Variants in CDC14B observed in about 807,000 individuals in gnomAD.
CDC14B encodes dual specificity protein phosphatase CDC14B.
Under a neutral mutation model 64.2 loss-of-function variants are expected in CDC14B, and 22 were observed. The observed-to-expected ratio is 0.34, with a 90% confidence interval of 0.24 to 0.49. The LOEUF (loss-of-function observed/expected upper bound fraction) is 0.49, where lower values mean the gene tolerates loss of function less well. Ranked by LOEUF, CDC14B falls within the 20% of genes least tolerant of loss-of-function variation. The pLI is 0.99. For missense variants in CDC14B, 498 were observed against 629.9 expected (o/e 0.79, Z 2.24); for synonymous variants, 191 against 215.8 (o/e 0.89, Z 1.01).
chr9:96,605,761 T>C (rs1225307142), intron 1 of CDC14B, among the ~76,000 whole-genome samples: 2 of 152,028 alleles, frequency 1.3e-5, no homozygotes, highest in Non-Finnish European at 2.9e-5. Context: ...TTAGGGAGGC[T>C]GAGGCTGGAG....
intron 1 of CDC14B, among the ~76,000 whole-genome samples, chr9:96,601,186 T>C (rs920703159): frequency 3.3e-5 from 5 of 152,092 alleles, no homozygotes. Flanking sequence ...TATCTAAACA[T>C]GCTCTGAACA....
At chr9:96,571,131 G>T (rs1009992963) in intron 1 of CDC14B, among the ~76,000 whole-genome samples, 3 of 151,664 alleles carry the variant, frequency 2.0e-5, no homozygotes, top group Non-Finnish European at 4.4e-5. Flanking sequence ...CAGATGAAAT[G>T]ATTTTGAAAA....
intron 1 of CDC14B, among the ~76,000 whole-genome samples, chr9:96,612,661 C>T (rs1009567066): frequency 1.3e-5 from 2 of 152,202 alleles, no homozygotes; most frequent in Non-Finnish European, 2.9e-5. Flanking sequence ...AAGATTTCAA[C>T]CGCAATATGC....
At chr9:96,519,609 T>G (rs900081445) in intron 12 of CDC14B, among the ~76,000 whole-genome samples, 2 of 151,162 alleles carry the variant, frequency 1.3e-5, no homozygotes, top group Admixed American at 1.3e-4. Flanking sequence ...TGGTGGTGCA[T>G]AATCCCAGAT....
chr9:96,603,348 A>G (rs1304927245), intron 1 of CDC14B, among the ~76,000 whole-genome samples: 2 of 152,220 alleles, frequency 1.3e-5, no homozygotes, highest in Admixed American at 6.5e-5. Context: ...ATTAAAAAAT[A>G]AACAAAATAA....
chr9:96,568,873 C>T (rs1225847108), intron 1 of CDC14B, among the ~76,000 whole-genome samples: 1 of 151,618 alleles, frequency 6.6e-6, no homozygotes, highest in East Asian at 1.9e-4. Flanking sequence ...GCCAAGATCA[C>T]GCCTTTGCAC....
chr9:96,560,111 T>C (rs897467789), intron 4 of CDC14B, among the ~76,000 whole-genome samples: 3 of 152,212 alleles, frequency 2.0e-5, no homozygotes, highest in Middle Eastern at 3.2e-3. Context: ...GTTCCCACTA[T>C]GCCCATAGCC....
intron 1 of CDC14B, among the ~76,000 whole-genome samples, chr9:96,616,195 G>A (rs140751514): frequency 0.011 from 1,701 of 152,150 alleles, 11 homozygotes; most frequent in Non-Finnish European, 0.016. Flanking sequence ...GCATGGTGGC[G>A]TATGCCTGTA....
At chr9:96,573,645 A>G (rs903331695) in intron 1 of CDC14B, among the ~76,000 whole-genome samples, 1 of 152,230 alleles carries the variant, frequency 6.6e-6, no homozygotes, top group Admixed American at 6.5e-5. Flanking sequence ...ATGCTAATAA[A>G]GGAATTAAAT....
At chr9:96,570,080 A>G (rs1420080245) in intron 1 of CDC14B, among the ~76,000 whole-genome samples, 2 of 152,238 alleles carry the variant, frequency 1.3e-5, no homozygotes, top group Non-Finnish European at 2.9e-5. Context: ...TAGGAGAAAG[A>G]AACAAAATCT....
intron 7 of CDC14B, among the ~76,000 whole-genome samples, chr9:96,536,170 C>T (rs986516449): frequency 3.3e-5 from 5 of 152,182 alleles, no homozygotes; most frequent in African/African-American, 1.2e-4. Flanking sequence ...ACTATAATAA[C>T]TGAACTGGTG....
At chr9:96,594,777 C>T (rs964696148) in intron 1 of CDC14B, among the ~76,000 whole-genome samples, 1 of 148,804 alleles carries the variant, frequency 6.7e-6, no homozygotes, top group Non-Finnish European at 1.5e-5. Flanking sequence ...ACAGCAGAAT[C>T]GTACAGGCTG....
intron 4 of CDC14B, among the ~76,000 whole-genome samples, chr9:96,557,401 GT>G (rs1231191030): frequency 1.2e-4 from 19 of 152,236 alleles, no homozygotes; most frequent in Non-Finnish European, 4.4e-5. Context: ...CTGGGCAGCT[GT>G]TTGCTGAACT....
chr9:96,617,224 T>A (rs1039014380), intron 1 of CDC14B, among the ~76,000 whole-genome samples: 2 of 151,842 alleles, frequency 1.3e-5, no homozygotes, highest in African/African-American at 4.8e-5. Context: ...TTATTTCCTG[T>A]AACGCACCCC....
chr9:96,528,248 G>A (rs780303228), intron 9 of CDC14B, among the ~76,000 whole-genome samples: 3 of 152,164 alleles, frequency 2.0e-5, no homozygotes, highest in Non-Finnish European at 4.4e-5. Context: ...CTGGCCGGGC[G>A]TGGTGGCTCA....
chr9:96,574,632 T>C (rs1844686090), intron 1 of CDC14B, among the ~76,000 whole-genome samples: 1 of 138,120 alleles, frequency 7.2e-6, no homozygotes, highest in African/African-American at 2.9e-5. Flanking sequence ...ATACAAAAAT[T>C]AGCTGGGAGC....
chr9:96,580,392 C>T (rs781329035), intron 1 of CDC14B, among the ~76,000 whole-genome samples: 1 of 152,020 alleles, frequency 6.6e-6, no homozygotes, highest in Non-Finnish European at 1.5e-5. Context: ...CCACCACGCC[C>T]GGCTAATTTT....
intron 3 of CDC14B, among the ~76,000 whole-genome samples, chr9:96,563,228 G>A (rs1843452453): frequency 6.6e-6 from 1 of 152,204 alleles, no homozygotes; most frequent in Non-Finnish European, 1.5e-5. Flanking sequence ...AGACAGCATG[G>A]AGGGCTGCTA....
chr9:96,526,479 C>G (rs1334530983), intron 9 of CDC14B, among the ~76,000 whole-genome samples: 2 of 152,176 alleles, frequency 1.3e-5, no homozygotes, highest in African/African-American at 4.8e-5. Context: ...AGAAAACATC[C>G]CTGCCAGTGC....
Sources: allele counts gnomAD v4.1 joint callset (sites outside exome capture counted in the v4.1 genomes callset), GRCh38; gene constraint gnomAD v4.1.1; transcripts MANE v1.5; gene names NCBI Gene and HGNC (gene_info 2026-07-23, HGNC 2026-07-21).